The following SLIT2 variants were observed in gnomAD, a reference collection of about 807,000 sequenced individuals.
The protein encoded by SLIT2 is slit homolog 2 protein.
In SLIT2, 41 loss-of-function variants were observed where a neutral mutation model predicts 185.7. That is an observed-to-expected ratio of 0.22 (90% CI 0.17 to 0.29). The LOEUF (loss-of-function observed/expected upper bound fraction) is 0.29, where lower values mean the gene tolerates loss of function less well. SLIT2 is among the 10% of genes least tolerant of loss of function. The probability of loss-of-function intolerance (pLI) is 1.00; values close to 1 mark genes in which losing one functional copy is unlikely to be tolerated. For missense variants in SLIT2, 1,571 were observed against 1,909.0 expected (o/e 0.82, Z 3.30); for synonymous variants, 693 against 680.2 (o/e 1.02, Z -0.29).
At chr4:20,582,008 A>G (rs563837277) in intron 29 of SLIT2, among the ~76,000 whole-genome samples, 4 of 152,150 alleles carry the variant, frequency 2.6e-5, no homozygotes, top group Admixed American at 6.5e-5. Context: ...TGGCCTCCCA[A>G]AGTGCTGGGA....
intron 29 of SLIT2, among the ~76,000 whole-genome samples, chr4:20,589,037 G>A (rs1188028054): frequency 6.6e-6 from 1 of 152,166 alleles, no homozygotes; most frequent in South Asian, 2.1e-4. Flanking sequence ...AGACTATGAA[G>A]ATTTGAGAAT....
chr4:20,475,768 G>A (rs1366333134), intron 5 of SLIT2, among the ~76,000 whole-genome samples: 1 of 151,938 alleles, frequency 6.6e-6, no homozygotes. Context: ...CAATTCCCAG[G>A]ACTTAATGTC....
chr4:20,299,360 C>T (rs1716819458), intron 4 of SLIT2, among the ~76,000 whole-genome samples: 1 of 152,066 alleles, frequency 6.6e-6, no homozygotes. Flanking sequence ...TATCACAAAC[C>T]ATGTTTTTAG....
chr4:20,353,724 C>T (rs904663293), intron 4 of SLIT2, among the ~76,000 whole-genome samples: 6 of 152,088 alleles, frequency 3.9e-5, no homozygotes, highest in Non-Finnish European at 7.4e-5. Context: ...CAGCTGGTTT[C>T]CTATTTCCCA....
At chr4:20,501,423 C>G (rs1209335362) in intron 9 of SLIT2, among the ~76,000 whole-genome samples, 1 of 152,088 alleles carries the variant, frequency 6.6e-6, no homozygotes, top group African/African-American at 2.4e-5. Context: ...GTAGCTGGGA[C>G]TACAAGTGCA....
chr4:20,539,661 G>C lies in SLIT2; in HGVS notation c.1976+77G>C, dbSNP rs1722625569. Reference sequence around the variant, plus strand: ...GTTAATGTATTTAATATATTATTAAGCATTTCATTAAAATGTGATCAAGGG... The same window carrying C: ...GTTAATGTATTTAATATATTATTAACCATTTCATTAAAATGTGATCAAGGG... On this transcript the variant is annotated intron_variant, in intron 19 of 36. Transcript: ENST00000504154. 9 of 930,652 alleles carry C rather than the reference G, an allele frequency of 9.7e-6. No individual in the cohort carries two copies. In the South Asian group the frequency reaches 2.6e-4, roughly 27 times the overall value. 57.6% of individuals were successfully genotyped at this position (930,652 alleles called of 1,614,324 possible).
At chr4:20,442,418 G>A (rs1230225388) in intron 4 of SLIT2, among the ~76,000 whole-genome samples, 3 of 151,862 alleles carry the variant, frequency 2.0e-5, no homozygotes, top group Admixed American at 6.6e-5. Flanking sequence ...CAGCTACTTG[G>A]GAAGCTGAGG....
At chr4:20,498,007 A>T (rs952973418) in intron 9 of SLIT2, among the ~76,000 whole-genome samples, 1 of 152,104 alleles carries the variant, frequency 6.6e-6, no homozygotes, top group African/African-American at 2.4e-5. Context: ...CCCTGTCTCT[A>T]CTAAAAATAC....
intron 5 of SLIT2, among the ~76,000 whole-genome samples, chr4:20,473,110 C>T (rs1715739868): frequency 6.6e-6 from 1 of 151,854 alleles, no homozygotes; most frequent in Admixed American, 6.6e-5. Context: ...GTAAACCACA[C>T]CTGCTTTCTG....
intron 4 of SLIT2, among the ~76,000 whole-genome samples, chr4:20,379,113 T>G (rs904044712): frequency 1.3e-5 from 2 of 152,122 alleles, no homozygotes; most frequent in African/African-American, 4.8e-5. Context: ...TCTAAATACA[T>G]AGAATGCACA....
intron 4 of SLIT2, among the ~76,000 whole-genome samples, chr4:20,325,390 A>G (rs1219071528): frequency 8.9e-6 from 1 of 112,148 alleles, no homozygotes; most frequent in East Asian, 3.1e-4. Context: ...TCACCACAAC[A>G]TGTTGTAGAA....
chr4:20,521,411 C>G (rs1442242498), intron 12 of SLIT2, among the ~76,000 whole-genome samples: 3 of 152,148 alleles, frequency 2.0e-5, no homozygotes, highest in Non-Finnish European at 4.4e-5. Flanking sequence ...AGAAACAAAA[C>G]AGATTGTTGT....
intron 4 of SLIT2, among the ~76,000 whole-genome samples, chr4:20,435,035 T>C (rs187751211): frequency 9.8e-5 from 15 of 152,374 alleles, no homozygotes; most frequent in Admixed American, 2.6e-4. Context: ...TCCTATCTTC[T>C]ATTAGTGGAC....
intron 4 of SLIT2, among the ~76,000 whole-genome samples, chr4:20,405,877 T>C (rs933794044): frequency 2.0e-5 from 3 of 152,046 alleles, no homozygotes; most frequent in African/African-American, 7.2e-5. Flanking sequence ...AGAGTAATTT[T>C]TATCTTTTTA....
intron 29 of SLIT2, among the ~76,000 whole-genome samples, chr4:20,570,931 G>A (rs1725552629): frequency 6.6e-6 from 1 of 151,484 alleles, no homozygotes; most frequent in Non-Finnish European, 1.5e-5. Flanking sequence ...TTTCTTTTGA[G>A]TCTTTGTCTC....
chr4:20,365,225 GT>G (rs1723018580), intron 4 of SLIT2, among the ~76,000 whole-genome samples: 1 of 152,018 alleles, frequency 6.6e-6, no homozygotes, highest in Non-Finnish European at 1.5e-5. Context: ...TAACATTCCC[GT>G]ATCAGTTAAG....
rs894934290 is a variant in SLIT2, at chr4:20,254,606, G to GC, written c.179+618dup. 7.4e-4 allele frequency among the ~76,000 whole-genome samples: 113 copies of GC among 152,034 alleles called. No individual in the cohort carries two copies. Among genetic ancestry groups the GC allele is most frequent in the Non-Finnish European group, 1.1e-3 (73 of 67,992 alleles). ...GCATAGTAGCCTCGCGCAGCCCCCCGCCCCCCACTTCTCCGGGGAGGGGAA... is the reference window on the plus strand; with the variant it reads ...GCATAGTAGCCTCGCGCAGCCCCCCGCCCCCCCACTTCTCCGGGGAGGGGAA... On this transcript the variant is annotated intron_variant, in intron 1 of 36. Coordinates refer to ENST00000504154, the MANE Select transcript of SLIT2 (RefSeq NM_004787.4). This position sits in a 1 kb window ranked among gnomAD's most constrained non-coding sequence, Gnocchi z 5.1.
chr4:20,276,019 A>G (rs1021529052), intron 4 of SLIT2, among the ~76,000 whole-genome samples: 2 of 152,146 alleles, frequency 1.3e-5, no homozygotes, highest in African/African-American at 4.8e-5. Context: ...TTAAAATAAT[A>G]TAAGATTACT....
intron 4 of SLIT2, among the ~76,000 whole-genome samples, chr4:20,383,079 A>G (rs116237237): frequency 0.036 from 5,470 of 152,284 alleles, 346 homozygotes; most frequent in African/African-American, 0.12. Flanking sequence ...ATGATGTTGA[A>G]TAATTGCCAT....
Sources: gnomAD v4.1 joint callset for allele counts (sites outside exome capture counted in the v4.1 genomes callset) on GRCh38, gnomAD v4.1.1 for gene constraint, Gnocchi (gnomAD v3.1) non-coding constraint, MANE v1.5 for transcripts, NCBI Gene and HGNC (gene_info 2026-07-23, HGNC 2026-07-21) for gene names.